The following FBN2 variants were observed in gnomAD, a reference collection of about 807,000 sequenced individuals.
FBN2 encodes the protein fibrillin-2.
A neutral mutation model predicts 355.6 loss-of-function variants in FBN2; 105 were observed. The observed-to-expected ratio is 0.30, with a 90% CI of 0.25 to 0.35. The LOEUF is 0.35. Among genes scored for constraint, FBN2 ranks in the 10% least tolerant of loss-of-function variants. FBN2 has a pLI of 1.00. For missense variants in FBN2, 3,280 were observed against 3,758.7 expected (o/e 0.87, Z 3.33); for synonymous variants, 1,350 against 1,301.2 (o/e 1.04, Z -0.81).
intron 6 of FBN2, among the ~76,000 whole-genome samples, chr5:128,459,491 CACA>C (rs138749705): frequency 0.18 from 27,017 of 151,716 alleles, 2,695 homozygotes; most frequent in African/African-American, 0.27. Flanking sequence ...CTGGCAGAGA[CACA>C]ACAACAACAA....
chr5:128,268,202 A>T (rs927696052), intron 62 of FBN2, among the ~76,000 whole-genome samples: 3 of 152,240 alleles, frequency 2.0e-5, no homozygotes, highest in African/African-American at 7.2e-5. Flanking sequence ...ATCACCACTG[A>T]TCACACAGAA....
intron 7 of FBN2, among the ~76,000 whole-genome samples, chr5:128,424,450 T>C (rs1753434476): frequency 6.6e-6 from 1 of 152,136 alleles, no homozygotes; most frequent in Non-Finnish European, 1.5e-5. Flanking sequence ...AAGGGAAGGA[T>C]ATTTTTTAGA....
intron 11 of FBN2, among the ~76,000 whole-genome samples, chr5:128,389,031 A>C (rs1752441974): frequency 6.6e-6 from 1 of 152,076 alleles, no homozygotes; most frequent in Admixed American, 6.5e-5. Flanking sequence ...GGTTTTGTTC[A>C]ATCTTTCTAA....
intron 58 of FBN2, among the ~76,000 whole-genome samples, 160 bp downstream of exon 58, chr5:128,277,720 G>A (rs1341040515): frequency 6.6e-6 from 1 of 152,140 alleles, no homozygotes; most frequent in African/African-American, 2.4e-5. Context: ...GCCAAGTGCT[G>A]TGTGATTAAG....
At position 128,414,810 on chromosome 5, in the gene FBN2, T is replaced by C. The variant is rs141474515; in HGVS notation, c.953-6011A>G. ...CTCACCTTCACTCATTATCTACTTT[T>C]TTTTTTGCTTGTAGGTGTGAAGTGG... On this transcript the variant is annotated intron_variant, in intron 7 of 64. Coordinates refer to ENST00000262464, the MANE Select transcript of FBN2 (RefSeq NM_001999.4). 1.3e-3 allele frequency among the ~76,000 whole-genome samples: 192 copies of C among 152,258 alleles called. 1 individual carries two copies. Among genetic ancestry groups the C allele is most frequent in the African/African-American group, 4.1e-3 (172 of 41,574 alleles).
intron 25 of FBN2, 43 bp from the exon 26 acceptor site, chr5:128,339,104 T>C (rs1244446795): frequency 1.3e-5 from 21 of 1,607,962 alleles, no homozygotes; most frequent in Non-Finnish European, 1.7e-5. Flanking sequence ...TTGAATGAGA[T>C]AGACTTGGCC....
chr5:128,298,666 G>A (rs1303028385), intron 48 of FBN2, among the ~76,000 whole-genome samples: 5 of 151,960 alleles, frequency 3.3e-5, no homozygotes, highest in Admixed American at 2.6e-4. Flanking sequence ...CGTAGTTCTC[G>A]AGCCTTGGTT....
chr5:128,285,001 G>C (rs1419562433), intron 55 of FBN2, among the ~76,000 whole-genome samples: 2 of 152,054 alleles, frequency 1.3e-5, no homozygotes, highest in African/African-American at 4.8e-5. Flanking sequence ...AATGATCTTG[G>C]TAAAAAAATG....
chr5:128,469,381 A>T lies in FBN2; in HGVS notation c.629-4460T>A, dbSNP rs533129567. Among the ~76,000 whole-genome samples the T allele has an allele frequency of 3.2e-3, 489 of 152,154 alleles. 1 individual carries two copies. Among genetic ancestry groups the T allele is most frequent in the African/African-American group, 0.011 (465 of 41,518 alleles). ...CTGTCTCTATTAAAAATACAAAAAA[A>T]TTAGCTGGGTGTGGTGGTGGGTGCC... is the stretch of plus-strand genomic sequence containing the variant. On this transcript the variant is annotated intron_variant, in intron 5 of 64. Transcript: ENST00000262464.
intron 7 of FBN2, among the ~76,000 whole-genome samples, chr5:128,416,676 T>C (rs926552247): frequency 9.2e-5 from 14 of 152,178 alleles, no homozygotes; most frequent in African/African-American, 3.4e-4. Context: ...TGTCCATTCC[T>C]CAATGTTGTT....
intron 7 of FBN2, among the ~76,000 whole-genome samples, chr5:128,431,486 A>G (rs1396827301): frequency 6.6e-6 from 1 of 152,182 alleles, no homozygotes; most frequent in Admixed American, 6.5e-5. Flanking sequence ...TGTCGCCATA[A>G]CTTTTGCAGT....
intron 25 of FBN2, among the ~76,000 whole-genome samples, chr5:128,344,067 A>AAAAT (rs909949107): frequency 1.1e-4 from 17 of 152,048 alleles, no homozygotes; most frequent in South Asian, 2.1e-4. Flanking sequence ...CCCATCTCTT[A>AAAAT]AAATAAATAA....
chr5:128,471,711 T>C (rs930201393), intron 5 of FBN2, among the ~76,000 whole-genome samples: 3 of 152,182 alleles, frequency 2.0e-5, no homozygotes, highest in Non-Finnish European at 4.4e-5. Context: ...CAATTTTAAA[T>C]AAATTATTGA....
intron 19 of FBN2, 31 bp from the exon 20 acceptor site, chr5:128,357,426 A>G (rs1751529773): frequency 8.7e-6 from 14 of 1,613,254 alleles, no homozygotes; most frequent in Non-Finnish European, 1.1e-5. Context: ...ATTCTGTTAG[A>G]ACTGCCATGT....
intron 21 of FBN2, 69 bp downstream of exon 21, chr5:128,350,799 G>T: frequency 6.4e-7 from 1 of 1,560,642 alleles, no homozygotes; most frequent in South Asian, 1.1e-5. Flanking sequence ...ACTGCGTAGT[G>T]AAAGAGGTGT....
chr5:128,456,019 A>AAAAAAAAAAAAC (rs1754382095), intron 6 of FBN2, among the ~76,000 whole-genome samples: 2 of 147,534 alleles, frequency 1.4e-5, no homozygotes, highest in Non-Finnish European at 3.0e-5. Context: ...AAAAAAAAAA[A>AAAAAAAAAAAAC]AAAAGCAACT....
At position 128,334,778 on chromosome 5, in the gene FBN2, G is replaced by T; in HGVS notation, c.4040C>A (p.Ser1347Tyr). The T allele has an allele frequency of 6.2e-7, 1 of 1,613,488 alleles. No homozygotes were observed. Among genetic ancestry groups the T allele is most frequent in the Admixed American group, 1.7e-5 (1 of 60,012 alleles). ...MFGECENTKG[S>Y]FICHCQLGYS... ...ACCCAGCTGACAGTGGCAAATGAAG[G>T]ATCCCTTTGTGTTCTCACATTCCCC... is the stretch of plus-strand genomic sequence containing the variant. Residue 1347 changes from serine (S) to tyrosine (Y), a missense_variant, in exon 31 of 65, where the codon TCC (serine) becomes TAC (tyrosine). Physicochemically the swap from Ser to Tyr is moderately radical, Grantham distance 144. Coordinates refer to ENST00000262464, the MANE Select transcript of FBN2 (RefSeq NM_001999.4).
At chr5:128,311,195 T>C (rs1750046840) in intron 39 of FBN2, 105 bp downstream of exon 39, 2 of 1,242,348 alleles carry the variant, frequency 1.6e-6, no homozygotes, top group Admixed American at 3.5e-5. Context: ...GAACCAATCT[T>C]AATTGAGCCT....
intron 15 of FBN2, among the ~76,000 whole-genome samples, chr5:128,372,918 C>T (rs184281166): frequency 3.9e-5 from 6 of 152,200 alleles, no homozygotes; most frequent in Admixed American, 2.0e-4. Flanking sequence ...TGAGCCACTG[C>T]GCCAGGCCTC....
Sources: gnomAD v4.1 joint callset for allele counts (sites outside exome capture counted in the v4.1 genomes callset) on GRCh38, gnomAD v4.1.1 for gene constraint, MANE v1.5 for transcripts, NCBI Gene and HGNC (gene_info 2026-07-23, HGNC 2026-07-21) for gene names.